The following PRMT3 variants were observed in gnomAD, a reference collection of about 807,000 sequenced individuals.
PRMT3 encodes the protein protein arginine N-methyltransferase 3.
Under a neutral mutation model 71.9 loss-of-function variants are expected in PRMT3, and 62 were observed. The observed-to-expected ratio is 0.86, with a 90% CI of 0.70 to 1.07. The LOEUF is 1.07. PRMT3 is among the 50% of genes least tolerant of loss of function. The pLI is 0.00. For synonymous variants in PRMT3, 213 were observed against 220.4 expected (o/e 0.97, Z 0.30); for missense variants, 663 against 643.0 (o/e 1.03, Z -0.34).
intron 13 of PRMT3, among the ~76,000 whole-genome samples, chr11:20,493,102 C>T (rs1851247695): frequency 6.6e-6 from 1 of 151,108 alleles, no homozygotes; most frequent in Non-Finnish European, 1.5e-5. Context: ...AGCTGAGATC[C>T]CTCTGGGCAA....
intron 8 of PRMT3, 123 bp from the exon 9 acceptor site, chr11:20,407,788 C>T: frequency 1.9e-6 from 2 of 1,042,590 alleles, no homozygotes; most frequent in South Asian, 1.8e-5. Context: ...CGCGCCTGGC[C>T]AGTTTCAGAT....
Position 20,430,678 on chromosome 11 carries a change from A to G in PRMT3, c.993+3813A>G, listed in dbSNP as rs544517346. ...TGAGATTATTACTGCTGTCAAATTA[A>G]CATGTCTGTCATCTCACATACTTAC... is the stretch of plus-strand genomic sequence containing the variant. On this transcript the variant is annotated intron_variant, in intron 10 of 15. Coordinates refer to ENST00000331079, the MANE Select transcript of PRMT3 (RefSeq NM_005788.4). Among the ~76,000 whole-genome samples the G allele has an allele frequency of 2.0e-5, 3 of 152,272 alleles. No homozygotes were observed. The South Asian group carries it at 6.2e-4, about 32-fold the overall frequency.
At chr11:20,478,597 T>C (rs890773004) in intron 13 of PRMT3, among the ~76,000 whole-genome samples, 1 of 152,084 alleles carries the variant, frequency 6.6e-6, no homozygotes, top group Non-Finnish European at 1.5e-5. Context: ...ATATTTAGCT[T>C]TGGATGGAAT....
intron 13 of PRMT3, among the ~76,000 whole-genome samples, chr11:20,488,011 CTT>C (rs1356629986): frequency 6.6e-6 from 1 of 151,892 alleles, no homozygotes; most frequent in Non-Finnish European, 1.5e-5. Flanking sequence ...TCCCATATTG[CTT>C]TGTCTATTTT....
chr11:20,417,937 C>G (rs1413084630), intron 9 of PRMT3, among the ~76,000 whole-genome samples: 2 of 152,146 alleles, frequency 1.3e-5, no homozygotes, highest in African/African-American at 4.8e-5. Context: ...AGTCCCCAAT[C>G]CTGTTTACTG....
chr11:20,483,785 T>TAC (rs1851004329), intron 13 of PRMT3, among the ~76,000 whole-genome samples: 1 of 152,198 alleles, frequency 6.6e-6, no homozygotes. Flanking sequence ...TAGCCTTGTA[T>TAC]ACTCTTCCTT....
intron 8 of PRMT3, among the ~76,000 whole-genome samples, chr11:20,404,483 C>T (rs555870675): frequency 3.9e-4 from 60 of 151,972 alleles, no homozygotes; most frequent in African/African-American, 1.3e-3. Flanking sequence ...CCGCCCGCCT[C>T]GGCCTCCCAA....
At chr11:20,476,252 C>T (rs141843492) in intron 13 of PRMT3, among the ~76,000 whole-genome samples, 4,536 of 151,944 alleles carry the variant, frequency 0.03, 229 homozygotes, top group African/African-American at 0.1. Flanking sequence ...ACTCAGGAGG[C>T]TGAGGCAGAA....
intron 9 of PRMT3, among the ~76,000 whole-genome samples, chr11:20,423,004 G>A (rs1271155393): frequency 3.9e-5 from 6 of 152,082 alleles, no homozygotes; most frequent in South Asian, 2.1e-4. Context: ...AGGAAGGACC[G>A]AAGCAGCTGC....
intron 15 of PRMT3, among the ~76,000 whole-genome samples, chr11:20,496,661 AG>A (rs1260403548): frequency 7.2e-5 from 11 of 151,746 alleles, no homozygotes; most frequent in Admixed American, 2.6e-4. Context: ...AGACATATAA[AG>A]GAAAACTTTG....
At chr11:20,505,828 A>G (rs1851577876) in intron 15 of PRMT3, among the ~76,000 whole-genome samples, 1 of 151,200 alleles carries the variant, frequency 6.6e-6, no homozygotes, top group Non-Finnish European at 1.5e-5. Flanking sequence ...ATCAACTTAC[A>G]TATCAATTGT....
At chr11:20,458,084 C>T (rs761642453) in intron 11 of PRMT3, among the ~76,000 whole-genome samples, 1 of 151,934 alleles carries the variant, frequency 6.6e-6, no homozygotes, top group Non-Finnish European at 1.5e-5. Flanking sequence ...ATTTAATTCC[C>T]ATTTGGTGAC....
chr11:20,451,502 T>G (rs1204221686), intron 10 of PRMT3, among the ~76,000 whole-genome samples: 1 of 152,048 alleles, frequency 6.6e-6, no homozygotes, highest in African/African-American at 2.4e-5. Flanking sequence ...TTGTTTTTTT[T>G]TTTAATACCA....
At chr11:20,419,294 A>G (rs1849375449) in intron 9 of PRMT3, among the ~76,000 whole-genome samples, 2 of 152,052 alleles carry the variant, frequency 1.3e-5, no homozygotes, top group Admixed American at 1.3e-4. Context: ...AGCAATTTGG[A>G]TTTCCTTTTT....
rs926191319 is a variant in PRMT3, at chr11:20,494,276, G to T, written c.1486+22G>T. On this transcript the variant is annotated intron_variant, in intron 15 of 15. Coordinates refer to ENST00000331079, the MANE Select transcript of PRMT3 (RefSeq NM_005788.4). ...GCAGGTGAGAAAGAATAGTAGGGGG[G>T]AAGTATCTTATTCATTCTGAAGTAA... is the stretch of plus-strand genomic sequence containing the variant. 4 of 1,498,554 alleles carry T rather than the reference G, an allele frequency of 2.7e-6. No homozygotes were observed. The Admixed American group carries it at 5.2e-5, about 19-fold the overall frequency. 92.8% of individuals were successfully genotyped at this position (1,498,554 alleles called of 1,614,324 possible). A position where few individuals can be genotyped will look rare whatever the true frequency, so the allele number is the denominator to read the frequency against.
chr11:20,470,943 A>G (rs987698364), intron 13 of PRMT3, among the ~76,000 whole-genome samples: 14 of 152,140 alleles, frequency 9.2e-5, no homozygotes, highest in Non-Finnish European at 1.9e-4. Flanking sequence ...CTGGTATAAG[A>G]TGGTATTTCC....
intron 9 of PRMT3, among the ~76,000 whole-genome samples, chr11:20,414,986 T>C (rs1355179977): frequency 6.6e-6 from 1 of 151,096 alleles, no homozygotes; most frequent in Non-Finnish European, 1.5e-5. Flanking sequence ...TATCTTAAGG[T>C]AATGATTTTA....
rs1250006327 is a variant in PRMT3 at position 20,407,936 on chromosome 11, C to A, written c.797C>A (p.Thr266Asn). 1 of 1,611,294 alleles carries A rather than the reference C, an allele frequency of 6.2e-7. No individual in the cohort carries two copies. Among genetic ancestry groups the A allele is most frequent in the Non-Finnish European group, 8.5e-7 (1 of 1,177,846 alleles). Residue 266 changes from threonine (T) to asparagine (N), a missense_variant, in exon 9 of 16, where the codon ACT becomes AAT. By Grantham distance (65) the Thr-to-Asn change is moderately conservative. Coordinates refer to ENST00000331079, the MANE Select transcript of PRMT3 (RefSeq NM_005788.4). ...DKVVLDVGCGTGILSMFAAKA... is the reference protein window; with the variant it reads ...DKVVLDVGCGNGILSMFAAKA... ...GTAGTTTTGGATGTTGGGTGTGGAA[C>A]TGGAATTCTCTCTATGTTTGCTGCT...
chr11:20,476,315 G>A (rs1590093344), intron 13 of PRMT3, among the ~76,000 whole-genome samples: 1 of 152,114 alleles, frequency 6.6e-6, no homozygotes, highest in Non-Finnish European at 1.5e-5. Context: ...TCACCCTATT[G>A]CACTCCAGTC....
Sources: gnomAD v4.1 joint callset for allele counts (sites outside exome capture counted in the v4.1 genomes callset) on GRCh38, gnomAD v4.1.1 for gene constraint, MANE v1.5 for transcripts, NCBI Gene and HGNC (gene_info 2026-07-23, HGNC 2026-07-21) for gene names.